KCNJ6: variants seen among roughly 807,000 people sequenced by gnomAD.
KCNJ6 encodes the protein potassium inwardly rectifying channel subfamily J member 6.
In KCNJ6, 9 loss-of-function variants were observed where a neutral mutation model predicts 34.2. The ratio of observed to expected loss-of-function variants is 0.26; its 90% CI spans 0.16 to 0.46. The LOEUF (loss-of-function observed/expected upper bound fraction) is 0.46, where lower values mean the gene tolerates loss of function less well. Among genes scored for constraint, KCNJ6 ranks in the 20% least tolerant of loss-of-function variants. KCNJ6 has a pLI of 1.00. For synonymous variants in KCNJ6, 196 were observed against 207.1 expected (o/e 0.95, Z 0.46); for missense variants, 236 against 531.3 (o/e 0.44, Z 5.46).
At chr21:37,891,524 C>A (rs899236542) in intron 1 of KCNJ6, among the ~76,000 whole-genome samples, 36 of 152,090 alleles carry the variant, frequency 2.4e-4, no homozygotes, top group Non-Finnish European at 2.6e-4. Context: ...AGAAATGTGT[C>A]CCTAAAATCT....
intron 3 of KCNJ6, among the ~76,000 whole-genome samples, chr21:37,712,565 CTCCTCCTCTT>C (rs2054761899): frequency 1.8e-5 from 2 of 110,538 alleles, no homozygotes; most frequent in African/African-American, 9.6e-5. Flanking sequence ...TCCTCCCCTT[CTCCTCCTCTT>C]CTTCCTCCCT....
intron 2 of KCNJ6, among the ~76,000 whole-genome samples, chr21:37,774,652 ATCCATG>A: frequency 6.6e-6 from 1 of 152,230 alleles, no homozygotes; most frequent in Non-Finnish European, 1.5e-5. Flanking sequence ...TTCCAGCTTC[ATCCATG>A]TCCCTACAAA....
At chr21:37,835,044 C>G (rs2055445148) in intron 2 of KCNJ6, among the ~76,000 whole-genome samples, 1 of 152,162 alleles carries the variant, frequency 6.6e-6, no homozygotes, top group Admixed American at 6.5e-5. Flanking sequence ...GACAACAACC[C>G]CTAGGGACGC....
chr21:37,881,559 A>G (rs546612818), intron 1 of KCNJ6, among the ~76,000 whole-genome samples: 2 of 152,130 alleles, frequency 1.3e-5, no homozygotes, highest in African/African-American at 4.8e-5. Context: ...CATCTTGCTC[A>G]TGCTGGAGTT....
At chr21:37,685,205 A>G (rs2835892) in intron 3 of KCNJ6, among the ~76,000 whole-genome samples, 14,401 of 152,156 alleles carry the variant, frequency 0.095, 1,634 homozygotes, top group African/African-American at 0.27. Context: ...GTTTTCACTT[A>G]TCCTACTGGC....
chr21:37,698,025 C>A (rs1170176544), intron 3 of KCNJ6, among the ~76,000 whole-genome samples: 1 of 152,074 alleles, frequency 6.6e-6, no homozygotes, highest in Non-Finnish European at 1.5e-5. Context: ...ACAGAGCAAG[C>A]CCAAAAGGAA....
rs188730249 is a variant in KCNJ6 at position 37,675,171 on chromosome 21, C to T, written c.946+39040G>A. Among the ~76,000 whole-genome samples the T allele has an allele frequency of 2.7e-4, 41 of 152,290 alleles. No homozygotes were observed. The highest frequency in any genetic ancestry group is 9.6e-4 in the African/African-American group (40 of 41,550). Reference sequence around the variant, plus strand: ...CTTTTATTTAATGTGATATTCCCAGCGTCTGGCAATGTAGCAGGGGCTCCG... The same window carrying T: ...CTTTTATTTAATGTGATATTCCCAGTGTCTGGCAATGTAGCAGGGGCTCCG... On this transcript the variant is annotated intron_variant, in intron 3 of 3. Coordinates refer to ENST00000609713, the MANE Select transcript of KCNJ6 (RefSeq NM_002240.5). This position sits in a 1 kb window ranked among gnomAD's most constrained non-coding sequence, Gnocchi z 4.2.
chr21:37,688,087 T>C (rs983150325), intron 3 of KCNJ6, among the ~76,000 whole-genome samples: 2 of 152,132 alleles, frequency 1.3e-5, no homozygotes, highest in Admixed American at 1.3e-4. Context: ...TCTATTTCTA[T>C]AGCTGATTTT....
chr21:37,843,680 A>G (rs771769926), intron 1 of KCNJ6, among the ~76,000 whole-genome samples: 1 of 152,208 alleles, frequency 6.6e-6, no homozygotes, highest in Non-Finnish European at 1.5e-5. Context: ...ATTGGAAGTG[A>G]TTCTTTCAGA....
intron 3 of KCNJ6, among the ~76,000 whole-genome samples, chr21:37,706,653 A>C (rs2054721250): frequency 6.6e-6 from 1 of 152,272 alleles, no homozygotes; most frequent in Non-Finnish European, 1.5e-5. Flanking sequence ...TAGCCAAAGC[A>C]GACTGATATA....
chr21:37,865,358 C>T (rs569570301), intron 1 of KCNJ6, among the ~76,000 whole-genome samples: 1 of 152,338 alleles, frequency 6.6e-6, no homozygotes, highest in East Asian at 1.9e-4. Context: ...TTTCAGATAA[C>T]CGTATATACT....
rs1340158957 is a variant in KCNJ6 at position 37,834,567 on chromosome 21, C to T, written c.25+6091G>A. Among the ~76,000 whole-genome samples, 3 of 152,230 alleles carry T rather than the reference C, an allele frequency of 2.0e-5. No individual in the cohort carries two copies. The East Asian group carries it at 5.8e-4, about 29-fold the overall frequency. On this transcript the variant is annotated intron_variant, in intron 2 of 3. Transcript: ENST00000609713. ...GCAGGCAGGAACCCCATCTTTTTGT[C>T]TTTCTGTGCCTTAACACAATGCCAG...
chr21:37,818,596 T>A (rs573670883), intron 2 of KCNJ6, among the ~76,000 whole-genome samples: 1 of 152,198 alleles, frequency 6.6e-6, no homozygotes, highest in Non-Finnish European at 1.5e-5. Flanking sequence ...TTTAAAATGA[T>A]AATTTCTCCA....
At chr21:37,690,856 T>A (rs551495313) in intron 3 of KCNJ6, among the ~76,000 whole-genome samples, 1 of 151,758 alleles carries the variant, frequency 6.6e-6, no homozygotes, top group South Asian at 2.1e-4. Context: ...CTTGGCTCAC[T>A]GCAACCTCTG....
chr21:37,897,998 T>C (rs1169447470), intron 1 of KCNJ6, among the ~76,000 whole-genome samples: 1 of 152,232 alleles, frequency 6.6e-6, no homozygotes, highest in African/African-American at 2.4e-5. Context: ...ATGACTGTTA[T>C]TCAAGTGAAC....
intron 3 of KCNJ6, among the ~76,000 whole-genome samples, chr21:37,668,146 T>A (rs901086608): frequency 1.3e-5 from 2 of 152,152 alleles, no homozygotes; most frequent in African/African-American, 4.8e-5. Flanking sequence ...GGGGCAGTTC[T>A]GTGCATGCTG....
At chr21:37,704,778 A>G (rs1464124717) in intron 3 of KCNJ6, among the ~76,000 whole-genome samples, 1 of 152,030 alleles carries the variant, frequency 6.6e-6, no homozygotes, top group Non-Finnish European at 1.5e-5. Flanking sequence ...TTTTTATTAT[A>G]GTGCTTTCTG....
At chr21:37,864,017 G>C (rs945591986) in intron 1 of KCNJ6, among the ~76,000 whole-genome samples, 1 of 151,952 alleles carries the variant, frequency 6.6e-6, no homozygotes, top group African/African-American at 2.4e-5. Flanking sequence ...ATCACAAGCC[G>C]GGTTGTGGGG....
chr21:37,791,302 A>C (rs2055215749), intron 2 of KCNJ6, among the ~76,000 whole-genome samples: 1 of 152,242 alleles, frequency 6.6e-6, no homozygotes, highest in Non-Finnish European at 1.5e-5. Flanking sequence ...TTACTCTTGA[A>C]GGTCTCTGAC....
Sources: gnomAD v4.1 joint callset for allele counts (sites outside exome capture counted in the v4.1 genomes callset) on GRCh38, gnomAD v4.1.1 for gene constraint, Gnocchi (gnomAD v3.1) non-coding constraint, MANE v1.5 for transcripts, NCBI Gene and HGNC (gene_info 2026-07-23, HGNC 2026-07-21) for gene names.